Variants in MAST4 observed in about 807,000 individuals in gnomAD.
MAST4 encodes the protein microtubule-associated serine/threonine-protein kinase 4.
A neutral mutation model predicts 162.7 loss-of-function variants in MAST4; 89 were observed. That is an observed-to-expected ratio of 0.55 (90% CI 0.46 to 0.65). The LOEUF (loss-of-function observed/expected upper bound fraction) is 0.65. Among genes scored for constraint, MAST4 ranks in the 30% least tolerant of loss-of-function variants. The pLI, the probability that MAST4 is intolerant of heterozygous loss-of-function variation, is 0.00. For synonymous variants in MAST4, 1,479 were observed against 1,361.1 expected, an observed-to-expected ratio of 1.09 and a Z score of -1.91; for missense variants, 3,153 against 3,374.0, an observed-to-expected ratio of 0.93 and a Z score of 1.62.
chr5:66,629,587 A>G (rs1341108373), intron 1 of MAST4, among the ~76,000 whole-genome samples: 1 of 152,212 alleles, frequency 6.6e-6, no homozygotes, highest in African/African-American at 2.4e-5. Flanking sequence ...TACCACATTT[A>G]TAGCAGCTGC....
intron 3 of MAST4, among the ~76,000 whole-genome samples, chr5:66,830,927 CCTGCATAT>C (rs1204069109): frequency 6.6e-6 from 1 of 152,166 alleles, no homozygotes; most frequent in Non-Finnish European, 1.5e-5. Context: ...TAGGCTGAAA[CCTGCATAT>C]CTCTATTCCT....
chr5:66,722,473 T>C (rs753579472), intron 1 of MAST4, among the ~76,000 whole-genome samples: 1 of 150,628 alleles, frequency 6.6e-6, no homozygotes, highest in Non-Finnish European at 1.5e-5. Flanking sequence ...TTTTACATAG[T>C]ATTTTAAATT....
At chr5:67,150,977 A>G (rs574707054) in intron 24 of MAST4, among the ~76,000 whole-genome samples, 4 of 152,338 alleles carry the variant, frequency 2.6e-5, no homozygotes, top group South Asian at 4.1e-4. Context: ...GGTAGCCACA[A>G]TGGAACTCAC....
intron 3 of MAST4, among the ~76,000 whole-genome samples, chr5:66,792,951 C>T (rs1019610146): frequency 6.6e-6 from 1 of 152,126 alleles, no homozygotes; most frequent in Non-Finnish European, 1.5e-5. Flanking sequence ...ATAACAGTTC[C>T]GTGCCCAATT....
intron 4 of MAST4, among the ~76,000 whole-genome samples, chr5:67,010,555 C>T (rs890423557): frequency 4.6e-5 from 7 of 152,080 alleles, no homozygotes; most frequent in East Asian, 1.9e-4. Flanking sequence ...ATAATAAACA[C>T]GGGACTTACT....
intron 1 of MAST4, among the ~76,000 whole-genome samples, chr5:66,688,001 A>T (rs1003032216): frequency 2.0e-5 from 3 of 151,730 alleles, no homozygotes; most frequent in African/African-American, 7.3e-5. Flanking sequence ...AAGTAGTTGG[A>T]CTCTCCTTAT....
chr5:66,685,312 ACCCCAAAAAC>A (rs376874107), intron 1 of MAST4, among the ~76,000 whole-genome samples: 1,892 of 149,508 alleles, frequency 0.013, 27 homozygotes, highest in African/African-American at 0.037. Flanking sequence ...AAAACCACAC[ACCCCAAAAAC>A]CCCCAAAAAC....
At chr5:66,642,113 G>A (rs1464768163) in intron 1 of MAST4, among the ~76,000 whole-genome samples, 3 of 152,116 alleles carry the variant, frequency 2.0e-5, no homozygotes, top group Non-Finnish European at 4.4e-5. Context: ...TGTATTTCCT[G>A]ATGGAAGTAG....
intron 1 of MAST4, among the ~76,000 whole-genome samples, chr5:66,728,749 G>A (rs1263965260): frequency 1.3e-5 from 2 of 152,166 alleles, no homozygotes; most frequent in Non-Finnish European, 2.9e-5. Flanking sequence ...AGTCAAATGT[G>A]GAAGACAAGA....
At chr5:66,922,066 G>C (rs551298642) in intron 4 of MAST4, among the ~76,000 whole-genome samples, 4 of 152,302 alleles carry the variant, frequency 2.6e-5, no homozygotes, top group African/African-American at 4.8e-5. Context: ...TGACACAACA[G>C]ATTCAGTTCC....
chr5:66,881,971 G>A (rs761148996), intron 3 of MAST4, among the ~76,000 whole-genome samples: 3 of 152,184 alleles, frequency 2.0e-5, no homozygotes, highest in Non-Finnish European at 4.4e-5. Context: ...CTGTTTCCCA[G>A]TAGTACTTGA....
chr5:66,759,576 A>C, intron 1 of MAST4, 133 bp from the exon 2 acceptor site: 1 of 1,134,240 alleles, frequency 8.8e-7, no homozygotes, highest in South Asian at 2.0e-5. Flanking sequence ...CTAACGTAGC[A>C]AAATTGAACA....
chr5:66,979,793 A>G (rs143436265), intron 4 of MAST4, among the ~76,000 whole-genome samples: 1 of 152,346 alleles, frequency 6.6e-6, no homozygotes, highest in Non-Finnish European at 1.5e-5. Context: ...GAACTTTGTG[A>G]GAAACAATGG....
chr5:66,830,953 A>G (rs747661523), intron 3 of MAST4, among the ~76,000 whole-genome samples: 1 of 152,148 alleles, frequency 6.6e-6, no homozygotes, highest in Non-Finnish European at 1.5e-5. Context: ...CCTGGCTCCA[A>G]TCCTGTGTTG....
chr5:66,661,123 A>C (rs1036642926), intron 1 of MAST4, among the ~76,000 whole-genome samples: 1 of 152,212 alleles, frequency 6.6e-6, no homozygotes, highest in Non-Finnish European at 1.5e-5. Context: ...AGTGGCAAGA[A>C]ACGCAACGTG....
intron 3 of MAST4, chr5:66,828,990 C>G: frequency 1.1e-6 from 1 of 912,962 alleles, no homozygotes; most frequent in Non-Finnish European, 1.8e-6. Flanking sequence ...GTGCATAATT[C>G]TTAGTATCTA....
intron 2 of MAST4, among the ~76,000 whole-genome samples, chr5:66,767,232 T>C (rs544264150): frequency 2.7e-5 from 4 of 150,432 alleles, no homozygotes; most frequent in East Asian, 2.0e-4. Flanking sequence ...TAGGGAAATA[T>C]GGTCCCTGCT....
intron 1 of MAST4, among the ~76,000 whole-genome samples, chr5:66,638,145 C>A (rs748835394): frequency 1.8e-4 from 27 of 152,260 alleles, no homozygotes; most frequent in Middle Eastern, 6.8e-3. Context: ...CTTACTCTTA[C>A]ACTTGTGGCA....
intron 3 of MAST4, among the ~76,000 whole-genome samples, chr5:66,836,017 A>G (rs1326612314): frequency 6.6e-6 from 1 of 152,102 alleles, no homozygotes; most frequent in Non-Finnish European, 1.5e-5. Context: ...AAAAAAATAC[A>G]AAAATTAGCC....
Sources: allele counts gnomAD v4.1 joint callset (sites outside exome capture counted in the v4.1 genomes callset), GRCh38; gene constraint gnomAD v4.1.1; transcripts MANE v1.5; gene names NCBI Gene and HGNC (gene_info 2026-07-23, HGNC 2026-07-21).